SP6: variants seen among roughly 807,000 people sequenced by gnomAD.
The protein encoded by SP6 is Sp6 transcription factor, also known as transcription factor Sp6.
Under a neutral mutation model 23.4 loss-of-function variants are expected in SP6, and 10 were observed. The ratio of observed to expected loss-of-function variants is 0.43; its 90% CI spans 0.26 to 0.72. The LOEUF is 0.72. Ranked by LOEUF, SP6 falls within the 30% of genes least tolerant of loss-of-function variation. SP6 has a pLI of 0.23. For synonymous variants in SP6, 238 were observed against 238.7 expected (o/e 1.00, Z 0.03); for missense variants, 482 against 523.8 (o/e 0.92, Z 0.78).
chr17:47,871,585 T>A, the SP6 span, among the ~76,000 whole-genome samples: 11 of 152,130 alleles, frequency 7.2e-5, no homozygotes, highest in Non-Finnish European at 1.5e-4. Flanking sequence ...TGTTCCTGCC[T>A]CTGTATCCCC....
chr17:47,869,942 G>C, the SP6 span, among the ~76,000 whole-genome samples: 5 of 152,154 alleles, frequency 3.3e-5, no homozygotes, highest in Non-Finnish European at 7.4e-5. Flanking sequence ...CCAATACTTT[G>C]TCTTATGATT....
In SP6 at chr17:47,845,860, T is replaced by C. The variant is rs1021445537; in HGVS notation, c.*1439A>G. 6.6e-6 allele frequency: 1 copy of C among 152,278 alleles called. No homozygotes were observed. The highest frequency in any genetic ancestry group is 2.4e-5 in the African/African-American group (1 of 41,460). 9.4% of individuals were successfully genotyped at this position (152,278 alleles called of 1,614,324 possible). On this transcript the variant is annotated 3_prime_UTR_variant, in exon 2 of 2. Coordinates refer to ENST00000536300, the MANE Select transcript of SP6 (RefSeq NM_001258248.2). ...TCAGAGGGACTGTAAGGCCCCTCTCTTGAGTGTGGGAAAGCCCTCCGGCTG... is the reference window on the plus strand; with the variant it reads ...TCAGAGGGACTGTAAGGCCCCTCTCCTGAGTGTGGGAAAGCCCTCCGGCTG...
chr17:47,849,767 A>G (rs754693819), intron 1 of SP6, among the ~76,000 whole-genome samples: 13 of 152,168 alleles, frequency 8.5e-5, no homozygotes, highest in Non-Finnish European at 5.9e-5. Context: ...TCTCAACCAC[A>G]TATCTGTGGC....
At chr17:47,871,873 G>T in the SP6 span, among the ~76,000 whole-genome samples, 3 of 152,072 alleles carry the variant, frequency 2.0e-5, no homozygotes, top group Non-Finnish European at 2.9e-5. Context: ...CACCTGCCTT[G>T]GCCTCCCAAA....
rs1468681320 is a variant in SP6 at position 47,845,141 on chromosome 17, T to C, written c.*2158A>G. The C allele has an allele frequency of 3.9e-5, 6 of 151,968 alleles. No individual in the cohort carries two copies. Among genetic ancestry groups the C allele is most frequent in the Non-Finnish European group, 8.8e-5 (6 of 68,002 alleles). 9.4% of individuals were successfully genotyped at this position (151,968 alleles called of 1,614,324 possible). A position where few individuals can be genotyped will look rare whatever the true frequency, so the allele number is the denominator to read the frequency against. On this transcript the variant is annotated 3_prime_UTR_variant, in exon 2 of 2. Coordinates refer to ENST00000536300, the MANE Select transcript of SP6 (RefSeq NM_001258248.2). ...ATACCTCAGAGCTTGGGGCTTCCAT[T>C]GGGGGGAGCATCTGTGTCCACCAGC...
chr17:47,866,770 C>A, the SP6 span, among the ~76,000 whole-genome samples: 2 of 152,182 alleles, frequency 1.3e-5, no homozygotes, highest in Non-Finnish European at 2.9e-5. Flanking sequence ...GCCAAGTTCC[C>A]GCTTGGCAAC....
Position 47,848,653 on chromosome 17 carries a change from G to A in SP6, c.-57-167C>T, listed in dbSNP as rs2033923793. ...GAGTGCGAGGAAGGGTCCAAGATGT[G>A]AGGTTCTCATCCAAGCACAGAGGAT... On this transcript the variant is annotated intron_variant, in intron 1 of 1. Transcript: ENST00000536300. This position sits in a 1 kb window ranked among gnomAD's most constrained non-coding sequence, Gnocchi z 5.3. Among the ~76,000 whole-genome samples, 1 of 152,148 alleles carries A rather than the reference G, an allele frequency of 6.6e-6. No homozygotes were observed. Among genetic ancestry groups the A allele is most frequent in the Non-Finnish European group, 1.5e-5 (1 of 68,020 alleles).
At chr17:47,870,570 T>C in the SP6 span, among the ~76,000 whole-genome samples, 2 of 152,112 alleles carry the variant, frequency 1.3e-5, no homozygotes, top group Non-Finnish European at 1.5e-5. Flanking sequence ...GCCAGGATTA[T>C]TTAAAGACTG....
Position 47,847,789 on chromosome 17 carries a change from C to G in SP6, c.641G>C (p.Gly214Ala), listed in dbSNP as rs926358838. The change falls in exon 2 of 2, where the codon GGC (glycine) becomes GCC (alanine). Residue 214 changes from glycine (G) to alanine (A), a missense_variant. Physicochemically the swap from Gly to Ala is moderately conservative, Grantham distance 60. Around this residue, in one of 3 missense-constraint regions of SP6, gnomAD observed 330 missense variants for 332.3 expected, o/e 0.99. Transcript: ENST00000536300. Reference sequence around the variant, plus strand: ...GCTGCGGGGCACCGACCGCCGGGAGCCTTTGGGACGCGCCGCCCCGTCCAG... The same window carrying G: ...GCTGCGGGGCACCGACCGCCGGGAGGCTTTGGGACGCGCCGCCCCGTCCAG... ...SSLDGAARPK[G>A]SRRSVPRSSG... 5.2e-6 allele frequency: 8 copies of G among 1,543,152 alleles called. No homozygotes were observed. Among genetic ancestry groups the G allele is most frequent in the African/African-American group, 2.7e-5 (2 of 72,808 alleles).
At chr17:47,863,053 C>A in the SP6 span, among the ~76,000 whole-genome samples, 1 of 152,404 alleles carries the variant, frequency 6.6e-6, no homozygotes, top group South Asian at 2.1e-4. Context: ...GCCAGGTTGG[C>A]AGTCCTGGAG....
chr17:47,847,542 C>T lies in SP6; in HGVS notation c.888G>A (p.Thr296=), dbSNP rs533686112. The change falls in exon 2 of 2, where the codon ACG becomes ACA. Residue 296 remains threonine, a synonymous_variant. Coordinates refer to ENST00000536300, the MANE Select transcript of SP6 (RefSeq NM_001258248.2). ...GGTGGCGCTGCAGCTCGTCCGAGCG[C>T]GTGAAGCGCTTGCCGCAGAAGAGCC... is the stretch of plus-strand genomic sequence containing the variant. ...CNWLFCGKRF[T]RSDELQRHLQ... 1 of 1,613,688 alleles carries T rather than the reference C, an allele frequency of 6.2e-7. No individual in the cohort carries two copies. The highest frequency in any genetic ancestry group is 8.5e-7 in the Non-Finnish European group (1 of 1,179,954).
At chr17:47,860,175 A>C (rs1233153744), upstream of SP6, among the ~76,000 whole-genome samples, 1 of 152,062 alleles carries the variant, frequency 6.6e-6, no homozygotes, top group Non-Finnish European at 1.5e-5. Context: ...TACCGTCCAC[A>C]TATTTTCACG....
At chr17:47,863,741 T>A in the SP6 span, among the ~76,000 whole-genome samples, 1 of 142,302 alleles carries the variant, frequency 7.0e-6, no homozygotes, top group Non-Finnish European at 1.5e-5. Context: ...ATTTTGTATT[T>A]TTTTTTTTTT....
At chr17:47,866,980 G>A in the SP6 span, among the ~76,000 whole-genome samples, 5 of 152,088 alleles carry the variant, frequency 3.3e-5, no homozygotes, top group South Asian at 2.1e-4. Flanking sequence ...CATCGGACAC[G>A]CCACGCTGGG....
At chr17:47,864,241 CT>C in the SP6 span, among the ~76,000 whole-genome samples, 78 of 151,018 alleles carry the variant, frequency 5.2e-4, no homozygotes, top group African/African-American at 1.6e-3. Context: ...GTCTTTTTTC[CT>C]TTTTTTGTTT....
At position 47,847,940 on chromosome 17, in the gene SP6, G is replaced by T. The variant is rs749236867; in HGVS notation, c.490C>A (p.Pro164Thr). 1 of 1,569,382 alleles carries T rather than the reference G, an allele frequency of 6.4e-7. No individual in the cohort carries two copies. Among genetic ancestry groups the T allele is most frequent in the Non-Finnish European group, 8.6e-7 (1 of 1,157,326 alleles). The change falls in exon 2 of 2, where the codon CCG (proline) becomes ACG (threonine). Residue 164 changes from proline (P) to threonine (T), a missense_variant. Physicochemically the swap from Pro to Thr is conservative, Grantham distance 38. Coordinates refer to ENST00000536300, the MANE Select transcript of SP6 (RefSeq NM_001258248.2). The part of the protein sequence containing the change: ...GYVGDHQLCA[P>T]PPHPHAHHLL... ...TGGTGCGCATGCGGGTGGGGTGGCG[G>T]GGCACAAAGCTGGTGGTCTCCGACG... is the stretch of plus-strand genomic sequence containing the variant.
upstream of SP6, among the ~76,000 whole-genome samples, chr17:47,852,826 C>T (rs531098272): frequency 6.6e-5 from 10 of 152,270 alleles, no homozygotes; most frequent in South Asian, 1.0e-3. Flanking sequence ...AACCTGGGTA[C>T]ACATTGGTAG....
the SP6 span, among the ~76,000 whole-genome samples, chr17:47,873,618 C>A: frequency 6.6e-6 from 1 of 152,138 alleles, no homozygotes. Context: ...GTGGCTATCT[C>A]TGGGAAAAAA....
At chr17:47,856,484 G>T (rs956890756), upstream of SP6, among the ~76,000 whole-genome samples, 1 of 152,154 alleles carries the variant, frequency 6.6e-6, no homozygotes, top group African/African-American at 2.4e-5. Context: ...GGGTGAAGAG[G>T]GTAGGAAGGT....
Sources: gnomAD v4.1 joint callset for allele counts (sites outside exome capture counted in the v4.1 genomes callset) on GRCh38, gnomAD v4.1.1 for gene constraint, gnomAD v4.1.1 regional missense constraint, Gnocchi (gnomAD v3.1) non-coding constraint, MANE v1.5 for transcripts, NCBI Gene and HGNC (gene_info 2026-07-23, HGNC 2026-07-21) for gene names.